Variants in UBXN2A observed in about 807,000 individuals in gnomAD.
UBXN2A encodes the protein UBX domain protein 2A.
UBXN2A carries 28 observed loss-of-function variants against 28.4 expected under a neutral mutation model. That is an observed-to-expected ratio of 0.99 (90% CI 0.73 to 1.35). The LOEUF (loss-of-function observed/expected upper bound fraction) is 1.35, where lower values mean the gene tolerates loss of function less well. Ranked by LOEUF, UBXN2A falls within the 40% of genes most tolerant of loss-of-function variation. UBXN2A has a pLI of 0.00. For synonymous variants in UBXN2A, 97 were observed against 103.6 expected (o/e 0.94, Z 0.39); for missense variants, 253 against 297.9 (o/e 0.85, Z 1.11).
chr2:23,998,779 G>C lies in UBXN2A; in HGVS notation c.585-893G>C, dbSNP rs114307503. ...GGGTCTCACCCTTTCATCCAGGTTA[G>C]GGTACGGTGACATGATCTCAGCTCA... On this transcript the variant is annotated intron_variant, in intron 6 of 6. Coordinates refer to ENST00000309033, the MANE Select transcript of UBXN2A (RefSeq NM_181713.4). 7.3e-3 allele frequency among the ~76,000 whole-genome samples: 1,112 copies of C among 152,088 alleles called. 11 individuals carry two copies. Among genetic ancestry groups the C allele is most frequent in the African/African-American group, 0.023 (940 of 41,478 alleles).
chr2:23,980,589 A>C (rs1007631938), intron 4 of UBXN2A, among the ~76,000 whole-genome samples: 3 of 152,084 alleles, frequency 2.0e-5, no homozygotes, highest in African/African-American at 7.2e-5. Flanking sequence ...TCTTTGGAGA[A>C]ATTCCTGTTC....
In UBXN2A at chr2:23,964,154, C is replaced by G. The variant is rs1707060542; in HGVS notation, c.41+5799C>G. Among the ~76,000 whole-genome samples the G allele has an allele frequency of 2.7e-5, 4 of 150,660 alleles. No individual in the cohort carries two copies. The South Asian group carries it at 8.4e-4, about 31-fold the overall frequency. On this transcript the variant is annotated intron_variant, in intron 2 of 6. Transcript: ENST00000309033. Reference sequence around the variant, plus strand: ...TGTCTCAAAAAAAAAAAAAAAATCTCGAAAAGAGATGAATGGGTAAAGAAT... The same window carrying G: ...TGTCTCAAAAAAAAAAAAAAAATCTGGAAAAGAGATGAATGGGTAAAGAAT...
chr2:23,928,123 C>T (rs1390617764), intron 1 of UBXN2A, among the ~76,000 whole-genome samples: 1 of 150,758 alleles, frequency 6.6e-6, no homozygotes, highest in Non-Finnish European at 1.5e-5. Context: ...TTGCAGTGAG[C>T]CGAAATCACG....
intron 3 of UBXN2A, among the ~76,000 whole-genome samples, chr2:23,975,906 G>A (rs1054432786): frequency 1.3e-5 from 2 of 152,156 alleles, no homozygotes; most frequent in African/African-American, 2.4e-5. Flanking sequence ...GATTACAGGC[G>A]TGAGCCACCA....
At chr2:23,958,233 A>T (rs1170914082) in intron 1 of UBXN2A, 68 bp from the exon 2 acceptor site, 1 of 1,303,502 alleles carries the variant, frequency 7.7e-7, no homozygotes, top group Admixed American at 2.4e-5. Context: ...CTTTAGGACT[A>T]CATGGTAACT....
chr2:23,988,780 T>C (rs78465235), intron 6 of UBXN2A, among the ~76,000 whole-genome samples: 12,484 of 152,268 alleles, frequency 0.082, 620 homozygotes, highest in South Asian at 0.12. Flanking sequence ...CTATACCTAC[T>C]CATAGTTTGC....
rs914991523 is a variant in UBXN2A, at chr2:24,002,765, G to A, written c.*2898G>A. 3.9e-5 allele frequency: 6 copies of A among 152,130 alleles called. No individual in the cohort carries two copies. Among genetic ancestry groups the A allele is most frequent in the African/African-American group, 1.4e-4 (6 of 41,406 alleles). The allele number at this position is 152,130 out of a possible 1,614,324, so 9.4% of individuals were successfully genotyped here. A position where few individuals can be genotyped will look rare whatever the true frequency, so the allele number is the denominator to read the frequency against. ...AGTGAGAAAAGTGGCCGGTTTTTTG[G>A]GGGGAATTACTTTCTGTCATAAAGA... On this transcript the variant is annotated 3_prime_UTR_variant, in exon 7 of 7. Transcript: ENST00000309033.
chr2:23,996,221 C>T (rs1245205819), intron 6 of UBXN2A, among the ~76,000 whole-genome samples: 4 of 151,604 alleles, frequency 2.6e-5, no homozygotes, highest in African/African-American at 9.7e-5. Flanking sequence ...CGCGTGCCAC[C>T]ATGCTTGGCT....
At chr2:23,996,510 C>T (rs1214446700) in intron 6 of UBXN2A, among the ~76,000 whole-genome samples, 2 of 128,998 alleles carry the variant, frequency 1.6e-5, no homozygotes, top group Non-Finnish European at 3.3e-5. Context: ...GAGTTTCGCT[C>T]TTGTTGCCCA....
At chr2:23,944,174 A>G (rs1354005338) in intron 1 of UBXN2A, 5 of 1,266,816 alleles carry the variant, frequency 3.9e-6, no homozygotes, top group Non-Finnish European at 4.6e-6. Context: ...GTCTGGGGCC[A>G]GCACTGATGG....
chr2:23,965,993 G>A (rs75566447), intron 2 of UBXN2A, among the ~76,000 whole-genome samples: 11,948 of 151,996 alleles, frequency 0.079, 599 homozygotes, highest in South Asian at 0.12. Context: ...AATTTTAGGG[G>A]CATAAAGCAG....
intron 2 of UBXN2A, among the ~76,000 whole-genome samples, chr2:23,967,682 C>A (rs1211759466): frequency 1.3e-5 from 2 of 152,108 alleles, no homozygotes; most frequent in African/African-American, 4.8e-5. Context: ...ATATGCTATA[C>A]TGCTATGTGA....
intron 4 of UBXN2A, among the ~76,000 whole-genome samples, chr2:23,981,314 A>AAC (rs1288686451): frequency 1.3e-5 from 2 of 150,156 alleles, no homozygotes; most frequent in Non-Finnish European, 3.0e-5. Context: ...AAAAAAAAAA[A>AAC]AAAAAAAACC....
rs368739115 is a variant in UBXN2A, at chr2:23,971,777, C to A, written c.180+363C>A. 5.3e-5 allele frequency among the ~76,000 whole-genome samples: 8 copies of A among 151,820 alleles called. No individual in the cohort carries two copies. In the East Asian group the frequency reaches 7.8e-4, roughly 15 times the overall value. On this transcript the variant is annotated intron_variant, in intron 3 of 6. Transcript: ENST00000309033. ...AGTGCTGGGATTATAGGTGTGAGGC[C>A]AAAACTGTTTTCATAATAGATATTG...
chr2:23,989,977 C>T (rs1708292453), intron 6 of UBXN2A, among the ~76,000 whole-genome samples: 1 of 152,156 alleles, frequency 6.6e-6, no homozygotes, highest in African/African-American at 2.4e-5. Flanking sequence ...CAGTGCAAGG[C>T]CTGGCTCCAG....
intron 1 of UBXN2A, among the ~76,000 whole-genome samples, chr2:23,948,940 T>C (rs1706224719): frequency 6.7e-6 from 1 of 148,678 alleles, no homozygotes; most frequent in South Asian, 2.1e-4. Context: ...AGACTTCTCT[T>C]GTAGCTTTTT....
At chr2:23,929,992 G>A (rs1015345341) in intron 1 of UBXN2A, among the ~76,000 whole-genome samples, 5 of 152,064 alleles carry the variant, frequency 3.3e-5, no homozygotes, top group Admixed American at 3.3e-4. Context: ...AGGTTCAAGC[G>A]ACTCTCCTGC....
chr2:23,943,131 A>G (rs55653174), intron 1 of UBXN2A, among the ~76,000 whole-genome samples: 18,297 of 151,612 alleles, frequency 0.12, 1,191 homozygotes, highest in Middle Eastern at 0.21. Context: ...AGTTTTTTGT[A>G]TTTTTGGTAG....
chr2:23,995,042 C>T (rs934459821), intron 6 of UBXN2A, among the ~76,000 whole-genome samples: 1 of 152,152 alleles, frequency 6.6e-6, no homozygotes, highest in African/African-American at 2.4e-5. Context: ...TCTCCTCAGT[C>T]GCTGTTTTCT....
Sources: allele counts gnomAD v4.1 joint callset (sites outside exome capture counted in the v4.1 genomes callset), GRCh38; gene constraint gnomAD v4.1.1; transcripts MANE v1.5; gene names NCBI Gene and HGNC (gene_info 2026-07-23, HGNC 2026-07-21).